Variants in RNF215 observed in about 807,000 individuals in gnomAD.
RNF215 encodes ring finger protein 215.
Under a neutral mutation model 44.8 loss-of-function variants are expected in RNF215, and 41 were observed. That is an observed-to-expected ratio of 0.92 (90% CI 0.71 to 1.19). RNF215 has a LOEUF of 1.19. Ranked by LOEUF, RNF215 falls within the 50% of genes most tolerant of loss-of-function variation. The pLI, the probability that RNF215 is intolerant of heterozygous loss-of-function variation, is 0.00. For missense variants in RNF215, 452 were observed against 496.2 expected (o/e 0.91, Z 0.85); for synonymous variants, 218 against 230.1 (o/e 0.95, Z 0.48).
At position 30,379,401 on chromosome 22, in the gene RNF215, C is replaced by T. The variant is rs182158594; in HGVS notation, c.*199G>A. 2 of 641,944 alleles carry T rather than the reference C, an allele frequency of 3.1e-6. No homozygotes were observed. The highest frequency in any genetic ancestry group is 2.8e-5 in the East Asian group (1 of 36,296). 39.8% of individuals were successfully genotyped at this position (641,944 alleles called of 1,614,324 possible). A position where few individuals can be genotyped will look rare whatever the true frequency, so the allele number is the denominator to read the frequency against. ...CTCTTCCTTGACTGACAGGTCCCAG[C>T]CCTAGATCCTCAGTCTGAAGCTGTG... is the stretch of plus-strand genomic sequence containing the variant. On this transcript the variant is annotated 3_prime_UTR_variant, in exon 9 of 9. Coordinates refer to ENST00000382363, the MANE Select transcript of RNF215 (RefSeq NM_001017981.2).
chr22:30,381,578 C>T (rs1371374747), intron 5 of RNF215, among the ~76,000 whole-genome samples: 4 of 152,226 alleles, frequency 2.6e-5, no homozygotes, highest in African/African-American at 4.8e-5. Context: ...AGGACTAACA[C>T]GTGCATTCAC....
rs757356563 is a variant in RNF215 at position 30,386,177 on chromosome 22, C to T, written c.430-36G>A. 6.5e-6 allele frequency: 10 copies of T among 1,549,014 alleles called. No individual in the cohort carries two copies. In the African/African-American group the frequency reaches 9.6e-5, roughly 15 times the overall value. On this transcript the variant is annotated intron_variant, in intron 2 of 8. Coordinates refer to ENST00000382363, the MANE Select transcript of RNF215 (RefSeq NM_001017981.2). ...ATAGAAGGCGAGAGGCTAGCATATA[C>T]CCTGCCTGCACACCTGTCTCACCAC...
Position 30,380,826 on chromosome 22 carries a change from CA to C in RNF215, c.745-426del, listed in dbSNP as rs1933520423. Among the ~76,000 whole-genome samples, 1 of 152,174 alleles carries C rather than the reference CA, an allele frequency of 6.6e-6. No individual in the cohort carries two copies. Among genetic ancestry groups the C allele is most frequent in the Non-Finnish European group, 1.5e-5 (1 of 68,038 alleles). On this transcript the variant is annotated intron_variant, in intron 5 of 8. Transcript: ENST00000382363. This position sits in a 1 kb window ranked among gnomAD's most constrained non-coding sequence, Gnocchi z 5.3. ...GGCTTTCTCAGGCCCTGCCATCAGC[CA>C]CTCACCCATCCAGCCTGAATGTTCG...
At chr22:30,386,966 G>A (rs1933609515) in intron 1 of RNF215, 63 bp downstream of exon 1, 1 of 1,519,112 alleles carries the variant, frequency 6.6e-7, no homozygotes, top group Non-Finnish European at 8.8e-7. Flanking sequence ...CAGGGTGCGG[G>A]GTCTCTAGGG....
intron 1 of RNF215, 106 bp downstream of exon 1, chr22:30,386,923 C>G: frequency 6.7e-7 from 1 of 1,484,464 alleles, no homozygotes; most frequent in South Asian, 1.3e-5. Flanking sequence ...GGGCGCTGGA[C>G]TCTCAAGGCT....
rs1425169390 is a variant in RNF215 at position 30,378,834 on chromosome 22, T to C, written c.*766A>G. ...ACATTTTACATCTTATGTTAAAATA[T>C]AGCCACGTTTATTTTACTATTAAAC... On this transcript the variant is annotated 3_prime_UTR_variant, in exon 9 of 9. Transcript: ENST00000382363. The C allele has an allele frequency of 7.1e-6, 1 of 140,510 alleles. No individual in the cohort carries two copies. The allele number at this position is 140,510 out of a possible 1,614,324, so 8.7% of individuals were successfully genotyped here.
chr22:30,380,541 C>G lies in RNF215; in HGVS notation c.745-140G>C. 1 of 1,020,282 alleles carries G rather than the reference C, an allele frequency of 9.8e-7. No individual in the cohort carries two copies. 63.2% of individuals were successfully genotyped at this position (1,020,282 alleles called of 1,614,324 possible). A position where few individuals can be genotyped will look rare whatever the true frequency, so the allele number is the denominator to read the frequency against. On this transcript the variant is annotated intron_variant, in intron 5 of 8. Coordinates refer to ENST00000382363, the MANE Select transcript of RNF215 (RefSeq NM_001017981.2). The surrounding 1 kb of genome is among the most constrained non-coding windows in gnomAD (Gnocchi z 5.3). Reference sequence around the variant, plus strand: ...GTGTCCCTGCAGTCCCCAGCTTCCTCTTCTGAAGGCTCCGTCTCTTCCATT... The same window carrying G: ...GTGTCCCTGCAGTCCCCAGCTTCCTGTTCTGAAGGCTCCGTCTCTTCCATT...
chr22:30,386,205 G>C, intron 2 of RNF215, 64 bp from the exon 3 acceptor site: 2 of 1,446,904 alleles, frequency 1.4e-6, no homozygotes, highest in Non-Finnish European at 1.9e-6. Flanking sequence ...CTCACCACCT[G>C]CAGCCCTAGC....
chr22:30,386,494 T>C (rs1334024542), intron 2 of RNF215, 122 bp downstream of exon 2: 9 of 1,298,294 alleles, frequency 6.9e-6, no homozygotes, highest in African/African-American at 3.0e-5. Flanking sequence ...TGGGGTGCCC[T>C]GACCCACCAG....
Position 30,385,936 on chromosome 22 carries a change from G to A in RNF215, c.555C>T (p.Ser185=), listed in dbSNP as rs1933591929. The change falls in exon 4 of 9, where the codon TCC becomes TCT. Residue 185 remains serine, a synonymous_variant. Coordinates refer to ENST00000382363, the MANE Select transcript of RNF215 (RefSeq NM_001017981.2). ...ATGCATCCAACAGCTTGGTGACATT[G>A]GAGGAATAATGGAGGACGATCACTG... The part of the protein sequence containing the change: ...LRPVIVLHYS[S]NVTKLLDALL... 4 of 1,614,068 alleles carry A rather than the reference G, an allele frequency of 2.5e-6. No individual in the cohort carries two copies. The highest frequency in any genetic ancestry group is 3.4e-6 in the Non-Finnish European group (4 of 1,180,034).
intron 5 of RNF215, among the ~76,000 whole-genome samples, chr22:30,383,104 T>C (rs901784823): frequency 1.3e-5 from 2 of 152,086 alleles, no homozygotes; most frequent in Non-Finnish European, 2.9e-5. Context: ...GTGTTGCTGC[T>C]CTGGACTCCC....
Position 30,379,274 on chromosome 22 carries a change from G to T in RNF215, c.*326C>A. On this transcript the variant is annotated 3_prime_UTR_variant, in exon 9 of 9. Transcript: ENST00000382363. ...GGGAGCTCCCAGAACCCTGGCGACAGCTACACTGGCCCCATATTCTCTTTC... is the reference window on the plus strand; with the variant it reads ...GGGAGCTCCCAGAACCCTGGCGACATCTACACTGGCCCCATATTCTCTTTC... 1 of 385,926 alleles carries T rather than the reference G, an allele frequency of 2.6e-6. No individual in the cohort carries two copies. Among genetic ancestry groups the T allele is most frequent in the East Asian group, 5.1e-5 (1 of 19,560 alleles). The allele number at this position is 385,926 out of a possible 1,614,324, so 23.9% of individuals were successfully genotyped here.
chr22:30,379,615 G>T lies in RNF215; in HGVS notation c.1119C>A (p.Arg373=), dbSNP rs556746952. 4 of 1,551,250 alleles carry T rather than the reference G, an allele frequency of 2.6e-6. No homozygotes were observed. In the African/African-American group the frequency reaches 5.5e-5, roughly 21 times the overall value. ...AGCTGGGCAGCTAATCATCGGAGTA[G>T]CGGTTCCCTGCAGGGGAGGGGAAGA... ...PLCKFNVLGN[R]YSDD is the part of the protein sequence containing the mutation. The change falls in exon 9 of 9, where the codon CGC becomes CGA. Residue 373 remains arginine (R), a synonymous_variant. Coordinates refer to ENST00000382363, the MANE Select transcript of RNF215 (RefSeq NM_001017981.2).
chr22:30,385,541 CTT>C (rs1352501521), intron 4 of RNF215, among the ~76,000 whole-genome samples: 1 of 151,900 alleles, frequency 6.6e-6, no homozygotes, highest in African/African-American at 2.4e-5. Flanking sequence ...AATCCCAGCA[CTT>C]TGGGAGGCCG....
chr22:30,380,602 G>A lies in RNF215; in HGVS notation c.745-201C>T, dbSNP rs115926285. On this transcript the variant is annotated intron_variant, in intron 5 of 8. Coordinates refer to ENST00000382363, the MANE Select transcript of RNF215 (RefSeq NM_001017981.2). This position sits in a 1 kb window ranked among gnomAD's most constrained non-coding sequence, Gnocchi z 5.3. The stretch of plus-strand genomic sequence containing the variant: ...CAGGATCACTCACTCTGCCCTACAC[G>A]TCTTCCCATCCAGCTCCAAGGAGAG... Among the ~76,000 whole-genome samples the A allele has an allele frequency of 4.9e-3, 746 of 152,144 alleles. 6 individuals carry two copies. The highest frequency in any genetic ancestry group is 0.017 in the African/African-American group (700 of 41,504).
chr22:30,379,905 C>T (rs1933500085), intron 7 of RNF215, 92 bp from the exon 8 acceptor site: 2 of 1,513,418 alleles, frequency 1.3e-6, no homozygotes, highest in Non-Finnish European at 1.8e-6. Flanking sequence ...AGCTGGGGAA[C>T]TGAAACCTCA....
chr22:30,379,671 C>G (rs1273596204), intron 8 of RNF215, 40 bp downstream of exon 8: 2 of 1,552,304 alleles, frequency 1.3e-6, no homozygotes, highest in Admixed American at 3.9e-5. Context: ...AGGTGAGGAG[C>G]AGGCAGAGTA....
rs1462659501 is a variant in RNF215, at chr22:30,387,234, A to G, written c.80T>C (p.Leu27Pro). 2.2e-6 allele frequency: 2 copies of G among 896,690 alleles called. No homozygotes were observed. The highest frequency in any genetic ancestry group is 1.8e-5 in the African/African-American group (1 of 55,232). The allele number at this position is 896,690 out of a possible 1,614,324, so 55.5% of individuals were successfully genotyped here. Residue 27 changes from leucine to proline, a missense_variant, in exon 1 of 9, where the codon CTG (leucine) becomes CCG (proline). Transcript: ENST00000382363. ...PPPPSPLLLL[L>P]PLLPLWLGLA... The stretch of plus-strand genomic sequence containing the variant: ...GCCCAGCCACAGCGGCAGCAGGGGC[A>G]GCAGCAGCAGCAGCGGAGACGGAGG...
Position 30,387,153 on chromosome 22 carries a change from C to T in RNF215, c.161G>A (p.Arg54Gln), listed in dbSNP as rs758159316. ...DGSEPAAGAG[R>Q]GGARAVRVDV... ...CACCCGCACGGCGCGGGCTCCGCCC[C>T]GCCCCGCCCCGGCCGCCGGCTCGCT... The change falls in exon 1 of 9, where the codon CGG (arginine) becomes CAG (glutamine). Residue 54 changes from arginine to glutamine, a missense_variant. Transcript: ENST00000382363. 15 of 1,229,634 alleles carry T rather than the reference C, an allele frequency of 1.2e-5. 1 individual carries two copies. Among genetic ancestry groups the T allele is most frequent in the African/African-American group, 3.2e-5 (2 of 63,316 alleles). 76.2% of individuals were successfully genotyped at this position (1,229,634 alleles called of 1,614,324 possible).
Sources: allele counts gnomAD v4.1 joint callset (sites outside exome capture counted in the v4.1 genomes callset), GRCh38; gene constraint gnomAD v4.1.1; non-coding constraint Gnocchi (gnomAD v3.1); transcripts MANE v1.5; gene names NCBI Gene and HGNC (gene_info 2026-07-23, HGNC 2026-07-21).